The following METTL25 variants were observed in gnomAD, a reference collection of about 807,000 sequenced individuals.
The protein encoded by METTL25 is probable methyltransferase-like protein 25.
METTL25 carries 64 observed loss-of-function variants against 71.6 expected under a neutral mutation model. The observed-to-expected ratio is 0.89, with a 90% CI of 0.73 to 1.10. The LOEUF (loss-of-function observed/expected upper bound fraction) is 1.10. METTL25 is among the 50% of genes least tolerant of loss of function. METTL25 has a pLI of 0.00. For synonymous variants in METTL25, 287 were observed against 250.3 expected (o/e 1.15, Z -1.38); for missense variants, 807 against 707.0 (o/e 1.14, Z -1.60).
chr12:82,363,681 A>G (rs940584491), intron 1 of METTL25, among the ~76,000 whole-genome samples: 2 of 151,968 alleles, frequency 1.3e-5, no homozygotes, highest in Non-Finnish European at 2.9e-5. Context: ...TAGATTCACT[A>G]CAATAAAGTA....
chr12:82,425,404 T>C (rs1436777372), intron 5 of METTL25, among the ~76,000 whole-genome samples: 1 of 152,066 alleles, frequency 6.6e-6, no homozygotes, highest in Admixed American at 6.6e-5. Flanking sequence ...CAGGAACATT[T>C]CATAGGCAGA....
At chr12:82,359,870 CTAGAGGGACCTCTTA>C (rs1408515356) in intron 1 of METTL25, among the ~76,000 whole-genome samples, 2 of 152,218 alleles carry the variant, frequency 1.3e-5, no homozygotes, top group Admixed American at 6.5e-5. Flanking sequence ...CAAAGCATCA[CTAGAGGGACCTCTTA>C]TAATAGCACT....
At chr12:82,401,955 T>C (rs1193327240) in intron 4 of METTL25, among the ~76,000 whole-genome samples, 2 of 152,002 alleles carry the variant, frequency 1.3e-5, no homozygotes, top group South Asian at 2.1e-4. Context: ...TTTTTTTTCT[T>C]ACAAGTTTCT....
chr12:82,388,434 G>A (rs1489328574), intron 2 of METTL25, among the ~76,000 whole-genome samples: 2 of 152,010 alleles, frequency 1.3e-5, no homozygotes, highest in Non-Finnish European at 2.9e-5. Context: ...CTGCAAATGG[G>A]TTCACTAGCA....
rs138262368 is a variant in METTL25 at position 82,407,836 on chromosome 12, G to A, written c.1279+4706G>A. On this transcript the variant is annotated intron_variant, in intron 5 of 11. Coordinates refer to ENST00000248306, the MANE Select transcript of METTL25 (RefSeq NM_032230.3). ...TTACAGTTTTGCCTAGCCCTGGACT[G>A]CCACATTTTCTCATCTCAAAAACCA... The A allele has an allele frequency of 9.1e-5, 90 of 985,282 alleles. No individual in the cohort carries two copies. In the African/African-American group the frequency reaches 1.4e-3, roughly 16 times the overall value. 61.0% of individuals were successfully genotyped at this position (985,282 alleles called of 1,614,324 possible). A position where few individuals can be genotyped will look rare whatever the true frequency, so the allele number is the denominator to read the frequency against.
chr12:82,457,984 G>T (rs1891609749), intron 9 of METTL25, among the ~76,000 whole-genome samples: 1 of 151,896 alleles, frequency 6.6e-6, no homozygotes, highest in Admixed American at 6.6e-5. Flanking sequence ...TTCATGTCTT[G>T]CATTTAATAT....
intron 1 of METTL25, among the ~76,000 whole-genome samples, chr12:82,379,802 A>G (rs911991872): frequency 6.6e-6 from 1 of 152,194 alleles, no homozygotes; most frequent in East Asian, 1.9e-4. Context: ...AGTGTTAACT[A>G]TTGGACCTCC....
intron 9 of METTL25, among the ~76,000 whole-genome samples, chr12:82,473,689 T>G (rs937105644): frequency 3.3e-5 from 5 of 152,152 alleles, no homozygotes; most frequent in African/African-American, 7.2e-5. Context: ...CCTCAGAGCA[T>G]GTCAGTTGTT....
In METTL25 at chr12:82,399,364, A is replaced by G; in HGVS notation, c.1101A>G (p.Ser367=). Residue 367 remains serine (S), a synonymous_variant, in exon 4 of 12, where the codon TCA becomes TCG. Transcript: ENST00000248306. ...TAACCTCTTTTATCACTGCTGATTC[A>G]GAACTCCATGACATTATTAAAGATT... ...SPLTSFITAD[S]ELHDIIKDLE... 2 of 1,591,624 alleles carry G rather than the reference A, an allele frequency of 1.3e-6. No individual in the cohort carries two copies. Among genetic ancestry groups the G allele is most frequent in the Non-Finnish European group, 1.7e-6 (2 of 1,172,446 alleles).
intron 5 of METTL25, among the ~76,000 whole-genome samples, chr12:82,406,194 C>T (rs886564171): frequency 6.6e-6 from 1 of 152,112 alleles, no homozygotes; most frequent in African/African-American, 2.4e-5. Flanking sequence ...ATCGTGTTCA[C>T]CCTTAAATAA....
At chr12:82,427,917 C>T (rs1388007227) in intron 5 of METTL25, among the ~76,000 whole-genome samples, 1 of 151,894 alleles carries the variant, frequency 6.6e-6, no homozygotes, top group Non-Finnish European at 1.5e-5. Flanking sequence ...AAACAAGACA[C>T]AGGGACATTT....
intron 1 of METTL25, among the ~76,000 whole-genome samples, chr12:82,368,084 C>G (rs542894630): frequency 6.6e-6 from 1 of 152,146 alleles, no homozygotes; most frequent in African/African-American, 2.4e-5. Flanking sequence ...TCTTCCTACT[C>G]TGATGCTCTC....
At chr12:82,455,298 GT>G (rs1027201969) in intron 8 of METTL25, among the ~76,000 whole-genome samples, 3 of 151,756 alleles carry the variant, frequency 2.0e-5, no homozygotes, top group Non-Finnish European at 4.4e-5. Flanking sequence ...TATGGTATCT[GT>G]TACACCTAAG....
In METTL25 at chr12:82,398,941, C is replaced by T; in HGVS notation, c.678C>T (p.Leu226=). ...RNRKLKKHWK[L]CHAQSRLDVN... ...GAAAATTGAAGAAACATTGGAAACT[C>T]TGTCATGCTCAGTCAAGATTAGATG... Residue 226 remains leucine, a synonymous_variant, in exon 4 of 12, where the codon CTC becomes CTT. Coordinates refer to ENST00000248306, the MANE Select transcript of METTL25 (RefSeq NM_032230.3). 6.2e-7 allele frequency: 1 copy of T among 1,612,258 alleles called. No homozygotes were observed.
At position 82,476,642 on chromosome 12, in the gene METTL25, A is replaced by G; in HGVS notation, c.1573-2A>G. On this transcript the variant is annotated splice_acceptor_variant, in intron 9 of 11. Transcript: ENST00000248306. LOFTEE classifies it high-confidence loss of function. Reference sequence around the variant, plus strand: ...AATTTATTGTTGTTTTTTATCTTGAAGCTGCCAGAAAAAATTATAATGAAC... The same window carrying G: ...AATTTATTGTTGTTTTTTATCTTGAGGCTGCCAGAAAAAATTATAATGAAC... The G allele has an allele frequency of 6.3e-7, 1 of 1,580,184 alleles. No individual in the cohort carries two copies. Among genetic ancestry groups the G allele is most frequent in the Non-Finnish European group, 8.6e-7 (1 of 1,158,628 alleles).
intron 6 of METTL25, among the ~76,000 whole-genome samples, chr12:82,432,843 A>G (rs1453892909): frequency 7.0e-6 from 1 of 143,878 alleles, no homozygotes; most frequent in Non-Finnish European, 1.5e-5. Context: ...AAAAATATTC[A>G]AATCTTAAGT....
intron 1 of METTL25, among the ~76,000 whole-genome samples, chr12:82,368,423 C>T (rs1882818032): frequency 6.6e-6 from 1 of 152,218 alleles, no homozygotes; most frequent in Admixed American, 6.5e-5. Context: ...AACATTAGAT[C>T]TGGCCATTTT....
At chr12:82,418,147 T>A (rs1888150874) in intron 5 of METTL25, among the ~76,000 whole-genome samples, 1 of 152,140 alleles carries the variant, frequency 6.6e-6, no homozygotes, top group Admixed American at 6.6e-5. Context: ...ACACTTAATA[T>A]GCAAGTGTAA....
At chr12:82,425,555 C>G (rs1486004106) in intron 5 of METTL25, among the ~76,000 whole-genome samples, 1 of 151,958 alleles carries the variant, frequency 6.6e-6, no homozygotes, top group Non-Finnish European at 1.5e-5. Flanking sequence ...TATTTTTTAA[C>G]CCATTGTGTT....
Sources: gnomAD v4.1 joint callset for allele counts (sites outside exome capture counted in the v4.1 genomes callset) on GRCh38, gnomAD v4.1.1 for gene constraint, MANE v1.5 for transcripts, NCBI Gene and HGNC (gene_info 2026-07-23, HGNC 2026-07-21) for gene names.